Variants in KDM1A observed in about 807,000 individuals in gnomAD.
KDM1A encodes lysine-specific histone demethylase 1A.
In KDM1A, 49 loss-of-function variants were observed where a neutral mutation model predicts 109.4. The observed-to-expected ratio is 0.45, with a 90% confidence interval of 0.36 to 0.57. The LOEUF (loss-of-function observed/expected upper bound fraction) is 0.57, where lower values mean the gene tolerates loss of function less well. KDM1A is among the 20% of genes least tolerant of loss of function. The probability of loss-of-function intolerance (pLI) is 0.00; values close to 1 mark genes in which losing one functional copy is unlikely to be tolerated. For synonymous variants in KDM1A, 380 were observed against 415.4 expected, an observed-to-expected ratio of 0.91 and a Z score of 1.04; for missense variants, 668 against 1,116.6, an observed-to-expected ratio of 0.60 and a Z score of 5.73.
At chr1:23,076,255 CA>C (rs979458541) in intron 15 of KDM1A, among the ~76,000 whole-genome samples, 4 of 151,498 alleles carry the variant, frequency 2.6e-5, no homozygotes, top group African/African-American at 4.8e-5. Flanking sequence ...TACCAGCTTA[CA>C]AAAAAAATGT....
chr1:23,077,407 G>A (rs760196887), intron 16 of KDM1A, 47 bp downstream of exon 16: 2 of 1,575,496 alleles, frequency 1.3e-6, no homozygotes, highest in Non-Finnish European at 1.7e-6. Flanking sequence ...TCCTGAAACA[G>A]GACTGATCTT....
At chr1:23,055,874 T>G (rs1189079592) in intron 6 of KDM1A, 58 bp from the exon 7 acceptor site, 20 of 1,115,960 alleles carry the variant, frequency 1.8e-5, no homozygotes, top group Non-Finnish European at 2.4e-5. Flanking sequence ...GAAATAAGAC[T>G]GTAAGTACAA....
intron 9 of KDM1A, among the ~76,000 whole-genome samples, chr1:23,063,905 T>C (rs1340142608): frequency 1.3e-5 from 2 of 152,202 alleles, no homozygotes; most frequent in Non-Finnish European, 2.9e-5. Context: ...TTTTTGTTTT[T>C]GGAGACAGAT....
In KDM1A at chr1:23,079,625, G is replaced by A; in HGVS notation, c.2128G>A (p.Ala710Thr). 1 of 1,613,828 alleles carries A rather than the reference G, an allele frequency of 6.2e-7. No individual in the cohort carries two copies. The highest frequency in any genetic ancestry group is 8.5e-7 in the Non-Finnish European group (1 of 1,179,826). Residue 710 changes from alanine (A) to threonine (T), a missense_variant, in exon 18 of 21, where the codon GCC becomes ACC. By Grantham distance (58) the Ala-to-Thr change is moderately conservative (BLOSUM62 0). This residue lies in a region of KDM1A where 162 missense variants were observed against 376.4 expected (regional missense o/e 0.43). Coordinates refer to ENST00000400181, the MANE Select transcript of KDM1A (RefSeq NM_001009999.3). This position sits in a 1 kb window ranked among gnomAD's most constrained non-coding sequence, Gnocchi z 5.6. ...NLFGHVGSTT[A>T]SRGELFLFWN... ...GTTCGGGCATGTTGGCAGTACGACT[G>A]CCAGCAGGGGTGAGCTCTTCCTCTT...
At chr1:23,075,367 A>G (rs762151864) in intron 15 of KDM1A, among the ~76,000 whole-genome samples, 5 of 151,384 alleles carry the variant, frequency 3.3e-5, no homozygotes, top group Non-Finnish European at 5.9e-5. Flanking sequence ...AGGAGGATCA[A>G]TTGAGTCAGG....
intron 1 of KDM1A, among the ~76,000 whole-genome samples, chr1:23,029,073 C>T (rs1014250142): frequency 1.3e-5 from 2 of 152,118 alleles, no homozygotes; most frequent in Non-Finnish European, 1.5e-5. Context: ...TTCAGTAACA[C>T]TCTTGTACTT....
intron 9 of KDM1A, among the ~76,000 whole-genome samples, chr1:23,063,660 C>G (rs1269576875): frequency 2.6e-5 from 4 of 152,132 alleles, no homozygotes; most frequent in African/African-American, 9.7e-5. Flanking sequence ...TTTTTGCCCC[C>G]TTAATTATAG....
At position 23,081,461 on chromosome 1, in the gene KDM1A, C is replaced by T. The variant is rs1326673098; in HGVS notation, c.2186C>T (p.Ala729Val). 1 of 1,613,984 alleles carries T rather than the reference C, an allele frequency of 6.2e-7. No individual in the cohort carries two copies. Among genetic ancestry groups the T allele is most frequent in the Non-Finnish European group, 8.5e-7 (1 of 1,180,000 alleles). ...GTTTCCCCAGCTCCAATACTGTTGG[C>T]ACTAGTGGCAGGAGAAGCTGCTGGT... ...WNLYKAPILL[A>V]LVAGEAAGIM... The change falls in exon 19 of 21, where the codon GCA (alanine) becomes GTA (valine). Residue 729 changes from alanine to valine, a missense_variant. This residue lies in a region of KDM1A where 162 missense variants were observed against 376.4 expected (regional missense o/e 0.43). Transcript: ENST00000400181.
At chr1:23,020,184 G>A in intron 1 of KDM1A, 1 of 415,352 alleles carries the variant, frequency 2.4e-6, no homozygotes, top group East Asian at 3.7e-5. Context: ...AAGGGGCATC[G>A]ATGATTGCTG....
At chr1:23,048,973 AC>A (rs199648094) in intron 3 of KDM1A, among the ~76,000 whole-genome samples, 1,896 of 151,712 alleles carry the variant, frequency 0.012, 52 homozygotes, top group African/African-American at 0.043. Flanking sequence ...ACATGGGGAA[AC>A]CCTGTCTCTA....
chr1:23,054,474 A>G (rs550267622), intron 5 of KDM1A, among the ~76,000 whole-genome samples: 9 of 152,296 alleles, frequency 5.9e-5, no homozygotes, highest in Middle Eastern at 6.8e-3. Flanking sequence ...TAATAGTTCT[A>G]AGAATCACAT....
At chr1:23,034,210 T>C (rs1642075355) in intron 2 of KDM1A, among the ~76,000 whole-genome samples, 1 of 152,248 alleles carries the variant, frequency 6.6e-6, no homozygotes, top group Non-Finnish European at 1.5e-5. Flanking sequence ...TTTTCCTAAA[T>C]ATTTCCATGC....
At position 23,071,311 on chromosome 1, in the gene KDM1A, C is replaced by T. The variant is rs753513910; in HGVS notation, c.1500C>T (p.Ala500=). The T allele has an allele frequency of 1.6e-5, 26 of 1,613,326 alleles. No homozygotes were observed. Among genetic ancestry groups the T allele is most frequent in the Middle Eastern group, 1.6e-4 (1 of 6,082 alleles). ...TAAAGCCACCCAGAGATATTACTGC[C>T]GAGTTCTTAGTGAAAAGCAAACACA... ...SEVKPPRDIT[A]EFLVKSKHRD... Residue 500 remains alanine, a synonymous_variant, in exon 13 of 21, where the codon GCC becomes GCT. Coordinates refer to ENST00000400181, the MANE Select transcript of KDM1A (RefSeq NM_001009999.3).
chr1:23,028,263 C>T (rs1641871342), intron 1 of KDM1A, among the ~76,000 whole-genome samples: 1 of 152,196 alleles, frequency 6.6e-6, no homozygotes, highest in Admixed American at 6.5e-5. Flanking sequence ...GTCCTCCTGC[C>T]TTGGCATCTG....
At chr1:23,044,047 A>G in intron 2 of KDM1A, among the ~76,000 whole-genome samples, 1 of 152,202 alleles carries the variant, frequency 6.6e-6, no homozygotes. Flanking sequence ...CTGAATTGCA[A>G]TGCCAGATTC....
chr1:23,035,834 C>T (rs1435920632), intron 2 of KDM1A, among the ~76,000 whole-genome samples: 1 of 152,008 alleles, frequency 6.6e-6, no homozygotes, highest in Non-Finnish European at 1.5e-5. Flanking sequence ...GCAGAATCTT[C>T]TAGAGTATTC....
chr1:23,019,937 A>G lies in KDM1A; in HGVS notation c.341A>G (p.Lys114Arg). 1 of 1,566,304 alleles carries G rather than the reference A, an allele frequency of 6.4e-7. No homozygotes were observed. The highest frequency in any genetic ancestry group is 8.6e-7 in the Non-Finnish European group (1 of 1,159,054). ...GAGGGGCGTCGGACCAGCCGGCGCA[A>G]GCGGGCGAAGGTAAGGCTCGACCCT... Reference protein sequence around the residue: ...TPEGRRTSRRKRAKVEYREMD... With the variant: ...TPEGRRTSRRRRAKVEYREMD... Residue 114 changes from lysine to arginine, a missense_variant, in exon 1 of 21, where the codon AAG becomes AGG. By Grantham distance (26) the Lys-to-Arg change is conservative. Coordinates refer to ENST00000400181, the MANE Select transcript of KDM1A (RefSeq NM_001009999.3).
chr1:23,081,222 A>C, intron 18 of KDM1A: 1 of 491,024 alleles, frequency 2.0e-6, no homozygotes. Flanking sequence ...GGTGCCTGAG[A>C]ATCTTACTTC....
intron 19 of KDM1A, chr1:23,081,960 A>G (rs1643631152): frequency 6.7e-6 from 3 of 448,544 alleles, no homozygotes; most frequent in African/African-American, 2.0e-5. Context: ...GTGAATTTAT[A>G]AAAGAGAATA....
Sources: allele counts gnomAD v4.1 joint callset (sites outside exome capture counted in the v4.1 genomes callset), GRCh38; gene constraint gnomAD v4.1.1; regional missense constraint gnomAD v4.1.1; non-coding constraint Gnocchi (gnomAD v3.1); transcripts MANE v1.5; gene names NCBI Gene and HGNC (gene_info 2026-07-23, HGNC 2026-07-21).